The following NKD1 variants were observed in gnomAD, a reference collection of about 807,000 sequenced individuals.
NKD1 encodes NKD inhibitor of Wnt signaling pathway 1, also known as protein naked cuticle homolog 1.
In NKD1, 21 loss-of-function variants were observed where a neutral mutation model predicts 56.0. The observed-to-expected ratio is 0.38, with a 90% CI of 0.27 to 0.54. The LOEUF (loss-of-function observed/expected upper bound fraction) is 0.54, where lower values mean the gene tolerates loss of function less well. Ranked by LOEUF, NKD1 falls within the 20% of genes least tolerant of loss-of-function variation. The pLI, the probability that NKD1 is intolerant of heterozygous loss-of-function variation, is 0.82. For missense variants in NKD1, 578 were observed against 642.7 expected (o/e 0.90, Z 1.09); for synonymous variants, 263 against 265.7 (o/e 0.99, Z 0.10).
chr16:50,608,013 G>C, intron 3 of NKD1: 1 of 425,532 alleles, frequency 2.3e-6, no homozygotes, highest in South Asian at 2.7e-5. Context: ...GCTGGTTTCC[G>C]GAAGGCATGT....
intron 3 of NKD1, chr16:50,552,265 T>C (rs1357142417): frequency 6.6e-6 from 1 of 152,266 alleles, no homozygotes; most frequent in Non-Finnish European, 1.5e-5. Context: ...CATAACCTTG[T>C]AGTGTTGACA....
At chr16:50,601,389 G>A (rs1961592346) in intron 3 of NKD1, among the ~76,000 whole-genome samples, 1 of 152,230 alleles carries the variant, frequency 6.6e-6, no homozygotes, top group East Asian at 1.9e-4. Context: ...TAGGAAGGGC[G>A]GGTTAGGGTG....
At chr16:50,561,393 T>TTA (rs35544724) in intron 3 of NKD1, among the ~76,000 whole-genome samples, 8 of 141,124 alleles carry the variant, frequency 5.7e-5, no homozygotes, top group African/African-American at 2.1e-4. Context: ...TCTACTGCTG[T>TTA]AAAAAAAAAA....
intron 3 of NKD1, among the ~76,000 whole-genome samples, chr16:50,584,766 C>A (rs1426181907): frequency 6.6e-6 from 1 of 152,326 alleles, no homozygotes; most frequent in African/African-American, 2.4e-5. Context: ...TTTCCCTTGA[C>A]CTCCATGGAT....
chr16:50,606,932 T>C (rs1704598533), intron 3 of NKD1: 1 of 456,642 alleles, frequency 2.2e-6, no homozygotes. Flanking sequence ...TGCATCCCTT[T>C]CCTGTCATCG....
chr16:50,633,588 A>G lies in NKD1; in HGVS notation c.1220A>G (p.Lys407Arg). Residue 407 changes from lysine (K) to arginine (R), a missense_variant, in exon 10 of 10, where the codon AAG (lysine) becomes AGG (arginine). Transcript: ENST00000268459. The surrounding 1 kb of genome is among the most constrained non-coding windows in gnomAD (Gnocchi z 4.9). ...CACAAGAAGCACAAGCACCGAGCCA[A>G]GGAGAGCCAGCAGGGCTGCCGGGGC... is the stretch of plus-strand genomic sequence containing the variant. The part of the protein sequence containing the change: ...LGHKKHKHRA[K>R]ESQQGCRGLQ... 6.2e-7 allele frequency: 1 copy of G among 1,611,564 alleles called. No individual in the cohort carries two copies.
At chr16:50,621,395 G>A (rs76652654) in intron 4 of NKD1, among the ~76,000 whole-genome samples, 1,962 of 152,362 alleles carry the variant, frequency 0.013, 15 homozygotes, top group Non-Finnish European at 0.02. Context: ...GTGCAAGTGG[G>A]TGCACCATGT....
intron 3 of NKD1, among the ~76,000 whole-genome samples, chr16:50,586,585 A>G (rs1961235691): frequency 1.3e-5 from 2 of 152,168 alleles, no homozygotes. Context: ...GTCATAGGCC[A>G]TAGCAACCCA....
intron 6 of NKD1, among the ~76,000 whole-genome samples, chr16:50,626,837 A>C (rs777186215): frequency 6.6e-6 from 1 of 152,078 alleles, no homozygotes; most frequent in Non-Finnish European, 1.5e-5. Flanking sequence ...CGGCGGTCGC[A>C]GGTTAGCACG....
chr16:50,631,866 C>T (rs1962352794), intron 8 of NKD1, among the ~76,000 whole-genome samples: 1 of 152,236 alleles, frequency 6.6e-6, no homozygotes, highest in African/African-American at 2.4e-5. Flanking sequence ...CCAACCCCAA[C>T]AGTTTAAGGG....
Position 50,606,894 on chromosome 16 carries a change from T to G in NKD1, c.193-1400T>G, listed in dbSNP as rs144680169. 5.5e-4 allele frequency: 253 copies of G among 456,622 alleles called. 3 individuals carry two copies. The highest frequency in any genetic ancestry group is 4.2e-3 in the African/African-American group (212 of 50,194). The allele number at this position is 456,622 out of a possible 1,614,324, so 28.3% of individuals were successfully genotyped here. A position where few individuals can be genotyped will look rare whatever the true frequency, so the allele number is the denominator to read the frequency against. Reference sequence around the variant, plus strand: ...TGGGCTTCAATTGGCTGCTGGGGCGTCCCAGCCATCTAATGATGCCACCTG... The same window carrying G: ...TGGGCTTCAATTGGCTGCTGGGGCGGCCCAGCCATCTAATGATGCCACCTG... On this transcript the variant is annotated intron_variant, in intron 3 of 9. Transcript: ENST00000268459.
At chr16:50,601,656 G>A (rs887597825) in intron 3 of NKD1, among the ~76,000 whole-genome samples, 7 of 152,212 alleles carry the variant, frequency 4.6e-5, no homozygotes, top group Non-Finnish European at 7.3e-5. Flanking sequence ...GTCAGCTCCC[G>A]AGGGAGGGGT....
intron 5 of NKD1, among the ~76,000 whole-genome samples, chr16:50,624,651 C>T (rs543027505): frequency 1.7e-3 from 261 of 152,250 alleles, no homozygotes; most frequent in Non-Finnish European, 2.4e-3. Flanking sequence ...AGGAGGAAAG[C>T]CAGTGAAGGC....
chr16:50,580,843 C>A (rs570945722), intron 3 of NKD1, among the ~76,000 whole-genome samples: 1 of 152,342 alleles, frequency 6.6e-6, no homozygotes, highest in South Asian at 2.1e-4. Context: ...CAGTGCCCAC[C>A]AACCCTGTTT....
intron 3 of NKD1, among the ~76,000 whole-genome samples, chr16:50,550,306 C>T (rs938380464): frequency 5.3e-5 from 8 of 151,994 alleles, no homozygotes; most frequent in Admixed American, 3.9e-4. Context: ...GTGGAACTCG[C>T]GCAAGCCTAG....
chr16:50,605,528 T>C (rs958221187), intron 3 of NKD1, among the ~76,000 whole-genome samples: 16 of 152,172 alleles, frequency 1.1e-4, no homozygotes, highest in African/African-American at 2.9e-4. Context: ...ATAGAAAATA[T>C]TTGGAAACAA....
intron 3 of NKD1, among the ~76,000 whole-genome samples, chr16:50,555,051 AC>A (rs544761484): frequency 2.2e-4 from 34 of 152,194 alleles, no homozygotes; most frequent in African/African-American, 8.2e-4. Flanking sequence ...AGCAGTGAGT[AC>A]CCAGGCCCAC....
chr16:50,565,875 T>C (rs1350375459), intron 3 of NKD1, among the ~76,000 whole-genome samples: 1 of 152,248 alleles, frequency 6.6e-6, no homozygotes, highest in African/African-American at 2.4e-5. Context: ...CCTTCTGTTA[T>C]AAGGATAGAC....
intron 3 of NKD1, among the ~76,000 whole-genome samples, chr16:50,589,740 T>TCC: frequency 9.3e-6 from 1 of 107,024 alleles, no homozygotes; most frequent in African/African-American, 3.8e-5. Context: ...TTCTCTTCTC[T>TCC]TCTCTTCTCT....
Sources: allele counts gnomAD v4.1 joint callset (sites outside exome capture counted in the v4.1 genomes callset), GRCh38; gene constraint gnomAD v4.1.1; non-coding constraint Gnocchi (gnomAD v3.1); transcripts MANE v1.5; gene names NCBI Gene and HGNC (gene_info 2026-07-23, HGNC 2026-07-21).